The following COL22A1 variants were observed in gnomAD, a reference collection of about 807,000 sequenced individuals.
COL22A1 encodes collagen type XXII alpha 1 chain.
COL22A1 carries 221 observed loss-of-function variants against 248.9 expected under a neutral mutation model. That is an observed-to-expected ratio of 0.89 (90% CI 0.80 to 0.99). The LOEUF (loss-of-function observed/expected upper bound fraction) is 0.99. Among genes scored for constraint, COL22A1 ranks in the 50% least tolerant of loss-of-function variants. The pLI is 0.00. For synonymous variants in COL22A1, 891 were observed against 793.4 expected, an observed-to-expected ratio of 1.12 and a Z score of -2.07; for missense variants, 2,240 against 2,179.0, an observed-to-expected ratio of 1.03 and a Z score of -0.56.
intron 12 of COL22A1, among the ~76,000 whole-genome samples, chr8:138,787,522 G>A (rs547827062): frequency 5.9e-5 from 9 of 152,106 alleles, no homozygotes; most frequent in Non-Finnish European, 8.8e-5. Context: ...GAAATGCTTC[G>A]TATACAAAGA....
intron 20 of COL22A1, 60 bp downstream of exon 20, chr8:138,755,422 G>A (rs1369096261): frequency 6.4e-7 from 1 of 1,552,376 alleles, no homozygotes. Flanking sequence ...CATGGTTGTG[G>A]CTTTTCTGTT....
intron 57 of COL22A1, 122 bp from the exon 58 acceptor site, chr8:138,606,574 C>T (rs1818443513): frequency 1.1e-6 from 1 of 936,438 alleles, no homozygotes; most frequent in South Asian, 1.5e-5. Context: ...CACAAATCCT[C>T]CCATGATGGA....
In COL22A1 at chr8:138,821,143, G is replaced by C; in HGVS notation, c.1238C>G (p.Pro413Arg). 2 of 1,613,332 alleles carry C rather than the reference G, an allele frequency of 1.2e-6. No homozygotes were observed. Among genetic ancestry groups the C allele is most frequent in the East Asian group, 2.2e-5 (1 of 44,848 alleles). Residue 413 changes from proline (P) to arginine (R), a missense_variant, in exon 7 of 65, where the codon CCC becomes CGC. Physicochemically the swap from Pro to Arg is moderately radical, Grantham distance 103. Transcript: ENST00000303045. Reference protein sequence around the residue: ...VIGKRLYDSVPIDFDLQRIVI... With the variant: ...VIGKRLYDSVRIDFDLQRIVI... ...AGGCCCCCTGGTACTCACGTCAATGGGCACACTGTCGTAGAGGCGCTTGCC... is the reference window on the plus strand; with the variant it reads ...AGGCCCCCTGGTACTCACGTCAATGCGCACACTGTCGTAGAGGCGCTTGCC...
chr8:138,768,196 G>GC (rs1258965021), intron 16 of COL22A1, among the ~76,000 whole-genome samples: 8 of 152,192 alleles, frequency 5.3e-5, no homozygotes, highest in East Asian at 3.9e-4. Context: ...TCCTTTCCCA[G>GC]CCCCCCATGG....
intron 22 of COL22A1, among the ~76,000 whole-genome samples, chr8:138,738,662 G>A (rs1002344677): frequency 2.6e-5 from 4 of 152,184 alleles, no homozygotes; most frequent in African/African-American, 9.7e-5. Context: ...TGCACAGCTA[G>A]TAAGGGGCAG....
At chr8:138,706,327 A>C (rs912195651) in intron 30 of COL22A1, among the ~76,000 whole-genome samples, 9 of 152,208 alleles carry the variant, frequency 5.9e-5, no homozygotes, top group Admixed American at 2.0e-4. Flanking sequence ...AAATCAACAG[A>C]ATATACATTC....
intron 1 of COL22A1, among the ~76,000 whole-genome samples, chr8:138,910,888 C>T (rs901374950): frequency 2.0e-5 from 3 of 152,202 alleles, no homozygotes; most frequent in South Asian, 2.1e-4. Flanking sequence ...CACACGTAGT[C>T]CATGGTCCTG....
intron 23 of COL22A1, among the ~76,000 whole-genome samples, chr8:138,734,502 A>T (rs931695050): frequency 5.9e-5 from 9 of 152,222 alleles, no homozygotes; most frequent in African/African-American, 2.2e-4. Flanking sequence ...AGAGTGAATT[A>T]GAGGAAATGG....
rs1819495503 is a variant in COL22A1 at position 138,618,278 on chromosome 8, G to A, written c.3825+1177C>T. Among the ~76,000 whole-genome samples the A allele has an allele frequency of 3.9e-5, 6 of 152,328 alleles. 1 individual carries two copies. Among genetic ancestry groups the A allele is most frequent in the Admixed American group, 3.9e-4 (6 of 15,288 alleles). On this transcript the variant is annotated intron_variant, in intron 53 of 64. Transcript: ENST00000303045. ...AGGCTGAATCCAGGTCTTTCTATCTGAAAACCCACTCCATTCTACAAAGCT... is the reference window on the plus strand; with the variant it reads ...AGGCTGAATCCAGGTCTTTCTATCTAAAAACCCACTCCATTCTACAAAGCT...
At chr8:138,694,949 C>A in intron 32 of COL22A1, 70 bp from the exon 33 acceptor site, 6 of 1,495,712 alleles carry the variant, frequency 4.0e-6, no homozygotes, top group Middle Eastern at 1.7e-4. Context: ...GTACATGTCC[C>A]CAGCTCCGGA....
chr8:138,606,358 C>T (rs1377013779), intron 58 of COL22A1, 23 bp downstream of exon 58: 11 of 1,603,406 alleles, frequency 6.9e-6, no homozygotes, highest in Admixed American at 6.8e-5. Flanking sequence ...GTATCTTGGG[C>T]CCCACTGGGG....
At chr8:138,778,325 C>T in intron 15 of COL22A1, 28 bp downstream of exon 15, 3 of 1,613,962 alleles carry the variant, frequency 1.9e-6, no homozygotes, top group South Asian at 1.1e-5. Context: ...GGGGTAGAAC[C>T]CCTGCCCAGA....
intron 3 of COL22A1, among the ~76,000 whole-genome samples, chr8:138,873,576 A>C (rs1260951250): frequency 6.6e-6 from 1 of 152,204 alleles, no homozygotes; most frequent in African/African-American, 2.4e-5. Context: ...CTAGGCAGGT[A>C]AACAAATGCA....
At chr8:138,799,663 ACTGT>A (rs1227693217) in intron 11 of COL22A1, among the ~76,000 whole-genome samples, 1 of 152,088 alleles carries the variant, frequency 6.6e-6, no homozygotes, top group Non-Finnish European at 1.5e-5. Context: ...TCTCGGTCAA[ACTGT>A]CTGCCTCTGC....
rs75275589 is a variant in COL22A1, at chr8:138,755,136, C to T, written c.2031+21G>A. The T allele has an allele frequency of 0.017, 27,194 of 1,613,130 alleles. 1,565 individuals are homozygous for T. The East Asian group carries it at 0.21, about 12-fold the overall frequency. On this transcript the variant is annotated intron_variant, in intron 21 of 64. Coordinates refer to ENST00000303045, the MANE Select transcript of COL22A1 (RefSeq NM_152888.3). ...AGAGAAGCGTGCAGAGCAAACCCTG[C>T]GCAGGAGAGGGACAACTTACCCGAG...
At chr8:138,760,925 G>A (rs767051223) in intron 17 of COL22A1, among the ~76,000 whole-genome samples, 1 of 152,138 alleles carries the variant, frequency 6.6e-6, no homozygotes, top group Non-Finnish European at 1.5e-5. Flanking sequence ...GCACAGGGTA[G>A]TCCTCAGCCA....
At chr8:138,910,572 C>T (rs1419946707) in intron 1 of COL22A1, among the ~76,000 whole-genome samples, 2 of 151,954 alleles carry the variant, frequency 1.3e-5, no homozygotes, top group African/African-American at 4.8e-5. Context: ...TGGTCTTCCT[C>T]GAGTTTGCAG....
chr8:138,646,751 C>A, intron 46 of COL22A1, 69 bp from the exon 47 acceptor site: 1 of 1,165,266 alleles, frequency 8.6e-7, no homozygotes, highest in Non-Finnish European at 1.2e-6. Flanking sequence ...AGGGTCATCA[C>A]CATGCCATCA....
At chr8:138,694,347 A>C (rs1827325407) in intron 34 of COL22A1, among the ~76,000 whole-genome samples, 161 bp downstream of exon 34, 1 of 152,118 alleles carries the variant, frequency 6.6e-6, no homozygotes, top group African/African-American at 2.4e-5. Context: ...TGGGGCGTTT[A>C]GTGAGGGCCA....
Sources: allele counts gnomAD v4.1 joint callset (sites outside exome capture counted in the v4.1 genomes callset), GRCh38; gene constraint gnomAD v4.1.1; transcripts MANE v1.5; gene names NCBI Gene and HGNC (gene_info 2026-07-23, HGNC 2026-07-21).